Variants in COL5A3 observed in about 807,000 individuals in gnomAD.
COL5A3 encodes the protein collagen type V alpha 3 chain.
Under a neutral mutation model 250.0 loss-of-function variants are expected in COL5A3, and 172 were observed. The observed-to-expected ratio is 0.69, with a 90% confidence interval of 0.61 to 0.78. COL5A3 has a LOEUF of 0.78. Among genes scored for constraint, COL5A3 ranks in the 30% least tolerant of loss-of-function variants. The probability of loss-of-function intolerance (pLI) is 0.00; values close to 1 mark genes in which losing one functional copy is unlikely to be tolerated. For synonymous variants in COL5A3, 937 were observed against 900.4 expected (o/e 1.04, Z -0.73); for missense variants, 2,340 against 2,334.4 (o/e 1.00, Z -0.05).
Position 10,005,982 on chromosome 19 carries a change from C to A in COL5A3, c.251G>T (p.Gly84Val). ...GIPTWELFPE[G>V]HFPENFSLLI... Reference sequence around the variant, plus strand: ...CAAGGAGAAGTTCTCAGGAAAGTGGCCTTCTGGGTGGGCAGAGGGAACAAG... The same window carrying A: ...CAAGGAGAAGTTCTCAGGAAAGTGGACTTCTGGGTGGGCAGAGGGAACAAG... The change falls in exon 3 of 67, where the codon GGC (glycine) becomes GTC (valine). Residue 84 changes from glycine (G) to valine (V), a missense_variant. Transcript: ENST00000264828. 6.2e-7 allele frequency: 1 copy of A among 1,613,012 alleles called. No homozygotes were observed. The highest frequency in any genetic ancestry group is 1.1e-5 in the South Asian group (1 of 91,034).
chr19:9,980,561 T>C, intron 35 of COL5A3, 87 bp downstream of exon 35: 1 of 1,535,740 alleles, frequency 6.5e-7, no homozygotes, highest in Non-Finnish European at 8.8e-7. Context: ...ATAATGTCTC[T>C]TCATCTCTTG....
chr19:9,998,841 C>T (rs143351767), intron 8 of COL5A3, among the ~76,000 whole-genome samples: 76 of 152,018 alleles, frequency 5.0e-4, no homozygotes, highest in African/African-American at 1.7e-3. Context: ...CCCGCCAACA[C>T]GCCTGGCTAA....
chr19:9,980,993 C>A, intron 33 of COL5A3, 95 bp downstream of exon 33: 5 of 1,523,110 alleles, frequency 3.3e-6, no homozygotes, highest in Middle Eastern at 2.0e-4. Flanking sequence ...TAACCCAAAC[C>A]CTTTCCCTGC....
In COL5A3 at chr19:9,960,411, TCAGCTGCTGAAG is replaced by T; in HGVS notation, c.5226_5237del (p.Cys1742_Ser1745del). On this transcript the variant is annotated inframe_deletion, in exon 67 of 67. Transcript: ENST00000264828. ...ATGGTCCCTCCCACCCCGGACACTC[TCAGCTGCTGAAG>T]CAGACGGGGCCCAGTTCAAACCCAA... The T allele has an allele frequency of 6.2e-7, 1 of 1,614,116 alleles. No homozygotes were observed. Among genetic ancestry groups the T allele is most frequent in the Non-Finnish European group, 8.5e-7 (1 of 1,180,020 alleles).
chr19:9,992,489 GA>G lies in COL5A3; in HGVS notation c.1848+337del, dbSNP rs1029632431. Among the ~76,000 whole-genome samples, 481 of 151,608 alleles carry G rather than the reference GA, an allele frequency of 3.2e-3. 1 individual carries two copies. The highest frequency in any genetic ancestry group is 0.014 in the Middle Eastern group (4 of 292). ...GGACATGCAGAAGGCAGAAAAGCGA[GA>G]AAAAAAAGACAGACAGGGGCCAGGA... On this transcript the variant is annotated intron_variant, in intron 21 of 66. Coordinates refer to ENST00000264828, the MANE Select transcript of COL5A3 (RefSeq NM_015719.4).
chr19:9,973,881 C>T (rs1318082239), intron 48 of COL5A3, 38 bp downstream of exon 48: 1 of 1,600,944 alleles, frequency 6.2e-7, no homozygotes, highest in Non-Finnish European at 8.5e-7. Flanking sequence ...ATGGTTGTCC[C>T]CATCTCTGAG....
At chr19:9,982,146 A>C in intron 31 of COL5A3, 28 bp from the exon 32 acceptor site, 2 of 1,546,850 alleles carry the variant, frequency 1.3e-6, no homozygotes, top group South Asian at 2.4e-5. Flanking sequence ...GAAAGAAGAC[A>C]TGAGGGTGAG....
At chr19:9,963,790 C>A (rs530059111) in intron 64 of COL5A3, among the ~76,000 whole-genome samples, 1 of 152,226 alleles carries the variant, frequency 6.6e-6, no homozygotes, top group South Asian at 2.1e-4. Context: ...ACTCCGGGCC[C>A]AGTGGGAAGT....
chr19:10,004,055 G>A lies in COL5A3; in HGVS notation c.685C>T (p.Pro229Ser). ...RYLPDCDNLA[P>S]AATVAPQGEP... The stretch of plus-strand genomic sequence containing the variant: ...CCCTCACTCACCACTGTGGCTGCCG[G>A]TGCCAGGTTGTCACAGTCGGGGAGG... The change falls in exon 5 of 67, where the codon CCG becomes TCG. Residue 229 changes from proline (P) to serine (S), a missense_variant. Pro to Ser is a moderately conservative substitution (Grantham distance 74). Transcript: ENST00000264828. 1 of 1,613,764 alleles carries A rather than the reference G, an allele frequency of 6.2e-7. No individual in the cohort carries two copies. The highest frequency in any genetic ancestry group is 8.5e-7 in the Non-Finnish European group (1 of 1,179,688).
intron 27 of COL5A3, among the ~76,000 whole-genome samples, chr19:9,988,573 G>A (rs1291115647): frequency 6.6e-6 from 1 of 152,104 alleles, no homozygotes; most frequent in Non-Finnish European, 1.5e-5. Context: ...GCTCATGCCT[G>A]TAATCCCAGC....
chr19:10,005,467 C>A, intron 4 of COL5A3, 91 bp downstream of exon 4: 1 of 1,329,804 alleles, frequency 7.5e-7, no homozygotes. Context: ...TGAAGCTTGA[C>A]ATCTTCCTTC....
At position 9,968,175 on chromosome 19, in the gene COL5A3, C is replaced by G; in HGVS notation, c.4315-96G>C. 1 of 1,268,746 alleles carries G rather than the reference C, an allele frequency of 7.9e-7. No individual in the cohort carries two copies. 78.6% of individuals were successfully genotyped at this position (1,268,746 alleles called of 1,614,324 possible). ...CTTCAATCCTACCAAAGGAAGACCCCGAACCCTAGACAAGCCTCCAGTTCC... is the reference window on the plus strand; with the variant it reads ...CTTCAATCCTACCAAAGGAAGACCCGGAACCCTAGACAAGCCTCCAGTTCC... On this transcript the variant is annotated intron_variant, in intron 59 of 66. Transcript: ENST00000264828. The surrounding 1 kb of genome is among the most constrained non-coding windows in gnomAD (Gnocchi z 4.1).
intron 37 of COL5A3, 66 bp from the exon 38 acceptor site, chr19:9,979,483 G>C: frequency 6.5e-7 from 1 of 1,549,770 alleles, no homozygotes; most frequent in Non-Finnish European, 8.9e-7. Context: ...CAGGAGACAG[G>C]GAAGGCCTGA....
rs759710288 is a variant in COL5A3 at position 10,005,647 on chromosome 19, G to A, written c.505C>T (p.Pro169Ser). The A allele has an allele frequency of 3.7e-6, 6 of 1,613,952 alleles. No homozygotes were observed. The African/African-American group carries it at 8.0e-5, about 22-fold the overall frequency. Residue 169 changes from proline to serine, a missense_variant, in exon 4 of 67, where the codon CCC becomes TCC. Pro to Ser is a moderately conservative substitution (Grantham distance 74, BLOSUM62 -1). Coordinates refer to ENST00000264828, the MANE Select transcript of COL5A3 (RefSeq NM_015719.4). ...CGGGGGCCATGGCCCAAAACAGGGG[G>A]CTGAGCTTCACAGTCAGCTACCAGG... ...VTLVADCEAQ[P>S]PVLGHGPRFI...
rs946918801 is a variant in COL5A3, at chr19:9,995,423, C to T, written c.1587+141G>A. On this transcript the variant is annotated intron_variant, in intron 16 of 66. Coordinates refer to ENST00000264828, the MANE Select transcript of COL5A3 (RefSeq NM_015719.4). ...CCTGGCCGGATTCCTTTGACACACA[C>T]TCAGTGGAGCTGCCATTCCCTGCCT... 3 of 614,284 alleles carry T rather than the reference C, an allele frequency of 4.9e-6. No individual in the cohort carries two copies. The African/African-American group carries it at 5.5e-5, about 11-fold the overall frequency. 38.1% of individuals were successfully genotyped at this position (614,284 alleles called of 1,614,324 possible).
intron 16 of COL5A3, among the ~76,000 whole-genome samples, chr19:9,994,579 TA>T (rs2087243107): frequency 1.3e-5 from 1 of 78,202 alleles, no homozygotes; most frequent in African/African-American, 9.2e-5. Flanking sequence ...TATATATATA[TA>T]TATATATATA....
intron 7 of COL5A3, 43 bp from the exon 8 acceptor site, chr19:10,001,713 A>C: frequency 6.2e-7 from 1 of 1,612,610 alleles, no homozygotes; most frequent in South Asian, 1.1e-5. Context: ...TGACCTCCTT[A>C]TTTTCTGCCA....
chr19:9,972,834 CAA>C (rs33996380), intron 51 of COL5A3, 83 bp downstream of exon 51: 35,090 of 790,254 alleles, frequency 0.044, 8 homozygotes, highest in South Asian at 0.069. Flanking sequence ...GACTCCATCT[CAA>C]AAAAAAAAAA....
chr19:9,968,891 G>A lies in COL5A3; in HGVS notation c.4153-163C>T. 1 of 681,150 alleles carries A rather than the reference G, an allele frequency of 1.5e-6. No individual in the cohort carries two copies. Among genetic ancestry groups the A allele is most frequent in the Non-Finnish European group, 2.6e-6 (1 of 391,334 alleles). The allele number at this position is 681,150 out of a possible 1,614,324, so 42.2% of individuals were successfully genotyped here. A position where few individuals can be genotyped will look rare whatever the true frequency, so the allele number is the denominator to read the frequency against. Reference sequence around the variant, plus strand: ...GAGTAGGCCACCAAGGTGGGATGATGAGAGCTAATGAGGGGTTGACTGGAG... The same window carrying A: ...GAGTAGGCCACCAAGGTGGGATGATAAGAGCTAATGAGGGGTTGACTGGAG... On this transcript the variant is annotated intron_variant, in intron 57 of 66. Coordinates refer to ENST00000264828, the MANE Select transcript of COL5A3 (RefSeq NM_015719.4). This position sits in a 1 kb window ranked among gnomAD's most constrained non-coding sequence, Gnocchi z 4.1.
Sources: allele counts gnomAD v4.1 joint callset (sites outside exome capture counted in the v4.1 genomes callset), GRCh38; gene constraint gnomAD v4.1.1; non-coding constraint Gnocchi (gnomAD v3.1); transcripts MANE v1.5; gene names NCBI Gene and HGNC (gene_info 2026-07-23, HGNC 2026-07-21).